LDB2: variants seen among roughly 807,000 people sequenced by gnomAD.
The protein encoded by LDB2 is LIM domain binding 2.
In LDB2, 12 loss-of-function variants were observed where a neutral mutation model predicts 44.3. That is an observed-to-expected ratio of 0.27 (90% CI 0.17 to 0.44). The LOEUF (loss-of-function observed/expected upper bound fraction) is 0.44, where lower values mean the gene tolerates loss of function less well. Among genes scored for constraint, LDB2 ranks in the 20% least tolerant of loss-of-function variants. The probability of loss-of-function intolerance (pLI) is 1.00; values close to 1 mark genes in which losing one functional copy is unlikely to be tolerated. For synonymous variants in LDB2, 164 were observed against 174.8 expected (o/e 0.94, Z 0.49); for missense variants, 344 against 473.5 (o/e 0.73, Z 2.54).
intron 1 of LDB2, among the ~76,000 whole-genome samples, chr4:16,869,363 G>A (rs571869071): frequency 4.0e-5 from 6 of 151,246 alleles, no homozygotes; most frequent in African/African-American, 1.2e-4. Flanking sequence ...ATGCTGACCC[G>A]TCAGACATGG....
intron 2 of LDB2, among the ~76,000 whole-genome samples, chr4:16,702,066 A>G (rs1459443798): frequency 1.3e-5 from 2 of 152,212 alleles, no homozygotes; most frequent in African/African-American, 4.8e-5. Flanking sequence ...GAAAGAATTT[A>G]TAGCTCAAGA....
intron 1 of LDB2, among the ~76,000 whole-genome samples, chr4:16,782,317 A>G (rs1773443752): frequency 6.6e-6 from 1 of 152,138 alleles, no homozygotes; most frequent in African/African-American, 2.4e-5. Context: ...TTGGCGCTCA[A>G]CAAATGTTGA....
intron 1 of LDB2, among the ~76,000 whole-genome samples, chr4:16,794,217 T>G (rs1018693208): frequency 2.0e-5 from 3 of 152,118 alleles, no homozygotes; most frequent in Non-Finnish European, 2.9e-5. Flanking sequence ...CTGAGATGAT[T>G]TGGTTTACAC....
intron 1 of LDB2, among the ~76,000 whole-genome samples, chr4:16,872,108 TATAA>T: frequency 6.6e-6 from 1 of 152,124 alleles, no homozygotes; most frequent in Middle Eastern, 3.4e-3. Flanking sequence ...TAGTAAAACT[TATAA>T]TAAGCGTATG....
intron 1 of LDB2, among the ~76,000 whole-genome samples, chr4:16,866,819 C>A (rs1442029183): frequency 6.6e-6 from 1 of 152,162 alleles, no homozygotes; most frequent in Non-Finnish European, 1.5e-5. Flanking sequence ...CAAAAATGGG[C>A]CTGTGTTGTT....
chr4:16,816,316 C>A (rs931986827), intron 1 of LDB2, among the ~76,000 whole-genome samples: 14 of 151,986 alleles, frequency 9.2e-5, no homozygotes, highest in African/African-American at 3.4e-4. Flanking sequence ...AAACACATAG[C>A]AATGCATTTC....
intron 1 of LDB2, among the ~76,000 whole-genome samples, chr4:16,807,037 G>C (rs1290871853): frequency 6.6e-6 from 1 of 152,148 alleles, no homozygotes; most frequent in Non-Finnish European, 1.5e-5. Context: ...CAAGAAAACT[G>C]GTTTTTGGAG....
intron 2 of LDB2, among the ~76,000 whole-genome samples, chr4:16,687,138 T>C (rs1453553745): frequency 6.6e-6 from 1 of 152,184 alleles, no homozygotes; most frequent in Non-Finnish European, 1.5e-5. Flanking sequence ...TTAACTTCAG[T>C]TCATTAATGT....
At chr4:16,859,364 T>TC (rs1334174577) in intron 1 of LDB2, among the ~76,000 whole-genome samples, 1 of 152,234 alleles carries the variant, frequency 6.6e-6, no homozygotes, top group Non-Finnish European at 1.5e-5. Flanking sequence ...CCCTGGTGTT[T>TC]CAATCACGTG....
At chr4:16,704,302 G>T (rs151284145) in intron 2 of LDB2, among the ~76,000 whole-genome samples, 32 of 152,134 alleles carry the variant, frequency 2.1e-4, no homozygotes, top group African/African-American at 7.5e-4. Context: ...ATTAACCAGG[G>T]TTATTTTATT....
At chr4:16,834,410 G>C (rs1784555288) in intron 1 of LDB2, among the ~76,000 whole-genome samples, 1 of 152,232 alleles carries the variant, frequency 6.6e-6, no homozygotes, top group Admixed American at 6.5e-5. Context: ...GCGTGATTGA[G>C]TGAAAGTAGA....
intron 1 of LDB2, among the ~76,000 whole-genome samples, chr4:16,809,347 A>C (rs1579863326): frequency 6.6e-6 from 1 of 152,206 alleles, no homozygotes; most frequent in Non-Finnish European, 1.5e-5. Flanking sequence ...ATATGGTAAA[A>C]AAATGTAAAG....
intron 2 of LDB2, among the ~76,000 whole-genome samples, chr4:16,609,653 G>T (rs1188434983): frequency 6.6e-6 from 1 of 152,170 alleles, no homozygotes; most frequent in African/African-American, 2.4e-5. Flanking sequence ...TTCCCTGCAG[G>T]ATCTCCAATA....
intron 2 of LDB2, among the ~76,000 whole-genome samples, chr4:16,643,894 T>C (rs187957775): frequency 1.3e-5 from 2 of 152,322 alleles, no homozygotes; most frequent in East Asian, 3.9e-4. Context: ...TTCTGAGAAA[T>C]AATTTTTGTG....
intron 1 of LDB2, among the ~76,000 whole-genome samples, chr4:16,846,656 G>A (rs1787074356): frequency 6.6e-6 from 1 of 152,186 alleles, no homozygotes. Context: ...CTACGGGTAA[G>A]CATTGCTAAA....
intron 5 of LDB2, among the ~76,000 whole-genome samples, chr4:16,551,819 CTATT>C (rs974100452): frequency 2.0e-5 from 3 of 152,102 alleles, no homozygotes; most frequent in Non-Finnish European, 2.9e-5. Context: ...ACCCGACCAA[CTATT>C]TATTTTATTT....
intron 2 of LDB2, among the ~76,000 whole-genome samples, chr4:16,757,386 G>T (rs1438283136): frequency 6.6e-6 from 1 of 152,140 alleles, no homozygotes; most frequent in Non-Finnish European, 1.5e-5. Context: ...GGGCAACAAT[G>T]GCTGGTAGTC....
chr4:16,694,899 TTCTA>T lies in LDB2; in HGVS notation c.235+64255_235+64258del, dbSNP rs149865908. On this transcript the variant is annotated intron_variant, in intron 2 of 7. Transcript: ENST00000304523. ...TAGAGTTATGATTATAATGCTGATGTTCTATCTATCAATGCAAGGAGTTCATGGC... is the reference window on the plus strand; with the variant it reads ...TAGAGTTATGATTATAATGCTGATGTTCTATCAATGCAAGGAGTTCATGGC... Among the ~76,000 whole-genome samples the T allele has an allele frequency of 3.3e-3, 504 of 152,326 alleles. 3 individuals carry two copies. Among genetic ancestry groups the T allele is most frequent in the African/African-American group, 0.012 (480 of 41,566 alleles).
intron 2 of LDB2, among the ~76,000 whole-genome samples, chr4:16,681,764 G>A (rs756370338): frequency 7.9e-5 from 12 of 151,684 alleles, no homozygotes; most frequent in Non-Finnish European, 1.5e-4. Context: ...GTAGAGACGG[G>A]GTTTCACCGT....
Sources: allele counts gnomAD v4.1 joint callset (sites outside exome capture counted in the v4.1 genomes callset), GRCh38; gene constraint gnomAD v4.1.1; transcripts MANE v1.5; gene names NCBI Gene and HGNC (gene_info 2026-07-23, HGNC 2026-07-21).